The following ECHDC1 variants were observed in gnomAD, a reference collection of about 807,000 sequenced individuals.
ECHDC1 encodes ethylmalonyl-CoA decarboxylase 1.
In ECHDC1, 29 loss-of-function variants were observed where a neutral mutation model predicts 29.7. The ratio of observed to expected loss-of-function variants is 0.98; its 90% confidence interval spans 0.73 to 1.33. The LOEUF is 1.33. Among genes scored for constraint, ECHDC1 ranks in the 40% most tolerant of loss-of-function variants. The pLI, the probability that ECHDC1 is intolerant of heterozygous loss-of-function variation, is 0.00. For synonymous variants in ECHDC1, 126 were observed against 123.1 expected (o/e 1.02, Z -0.15); for missense variants, 328 against 350.0 (o/e 0.94, Z 0.50).
intron 3 of ECHDC1, among the ~76,000 whole-genome samples, chr6:127,320,428 C>G (rs1782743832): frequency 6.6e-6 from 1 of 152,070 alleles, no homozygotes; most frequent in Non-Finnish European, 1.5e-5. Context: ...ATCGAAGGAA[C>G]AATAGATTGG....
At chr6:127,332,060 T>C (rs1184422226) in intron 1 of ECHDC1, among the ~76,000 whole-genome samples, 1 of 152,184 alleles carries the variant, frequency 6.6e-6, no homozygotes, top group African/African-American at 2.4e-5. Flanking sequence ...TAAGTTACAG[T>C]TCAATGAATT....
intron 1 of ECHDC1, among the ~76,000 whole-genome samples, chr6:127,336,684 T>G (rs1322013645): frequency 6.6e-6 from 1 of 152,130 alleles, no homozygotes; most frequent in East Asian, 1.9e-4. Flanking sequence ...TTTTTAAATA[T>G]TTTACCCTGA....
At position 127,289,358 on chromosome 6, in the gene ECHDC1, A is replaced by G. The variant is rs1245983100; in HGVS notation, c.*511T>C. The G allele has an allele frequency of 6.6e-6, 1 of 152,346 alleles. No homozygotes were observed. The highest frequency in any genetic ancestry group is 1.5e-5 in the Non-Finnish European group (1 of 68,260). The allele number at this position is 152,346 out of a possible 1,614,324, so 9.4% of individuals were successfully genotyped here. Reference sequence around the variant, plus strand: ...GGTAGTGAGGTACATCTTTTTTTAAATGAAGGGCCATTTCCCATGAATTTT... The same window carrying G: ...GGTAGTGAGGTACATCTTTTTTTAAGTGAAGGGCCATTTCCCATGAATTTT... On this transcript the variant is annotated 3_prime_UTR_variant, in exon 6 of 6. Transcript: ENST00000454859.
intron 1 of ECHDC1, among the ~76,000 whole-genome samples, chr6:127,331,633 G>T (rs1268360434): frequency 4.6e-5 from 7 of 152,122 alleles, no homozygotes; most frequent in African/African-American, 1.4e-4. Flanking sequence ...AAAAAATGCT[G>T]CTCTGTATTT....
At chr6:127,293,121 A>C (rs1780329308) in intron 5 of ECHDC1, among the ~76,000 whole-genome samples, 1 of 152,128 alleles carries the variant, frequency 6.6e-6, no homozygotes, top group Non-Finnish European at 1.5e-5. Context: ...ATACAAAGTC[A>C]AGTGTTGATG....
At chr6:127,338,860 T>C (rs1379307491) in intron 1 of ECHDC1, among the ~76,000 whole-genome samples, 1 of 152,186 alleles carries the variant, frequency 6.6e-6, no homozygotes, top group Non-Finnish European at 1.5e-5. Context: ...ACCTAACCAG[T>C]ACTGAAAAAG....
intron 5 of ECHDC1, among the ~76,000 whole-genome samples, chr6:127,311,146 C>T (rs1389528866): frequency 6.6e-6 from 1 of 152,084 alleles, no homozygotes; most frequent in African/African-American, 2.4e-5. Context: ...GAAACCAAAC[C>T]TGTGATATCT....
intron 5 of ECHDC1, among the ~76,000 whole-genome samples, chr6:127,293,380 A>G (rs889721058): frequency 6.6e-6 from 1 of 152,172 alleles, no homozygotes; most frequent in Non-Finnish European, 1.5e-5. Context: ...AAGAGTGTAC[A>G]GCTTTGATGT....
At chr6:127,304,073 T>TGGAA (rs1781263266) in intron 5 of ECHDC1, among the ~76,000 whole-genome samples, 1 of 152,162 alleles carries the variant, frequency 6.6e-6, no homozygotes, top group African/African-American at 2.4e-5. Flanking sequence ...GGGGTGGTTA[T>TGGAA]GGAAGGCCTT....
At chr6:127,330,068 T>C (rs7761452) in intron 2 of ECHDC1, among the ~76,000 whole-genome samples, 45,529 of 152,152 alleles carry the variant, frequency 0.3, 8,589 homozygotes, top group Non-Finnish European at 0.43. Flanking sequence ...ATGAAGTGCA[T>C]AACTGAAAAG....
At chr6:127,328,483 C>T (rs1371551329) in intron 2 of ECHDC1, among the ~76,000 whole-genome samples, 2 of 152,142 alleles carry the variant, frequency 1.3e-5, no homozygotes, top group South Asian at 2.1e-4. Flanking sequence ...GTAAGTACAC[C>T]CTACAATGTT....
At chr6:127,327,213 A>G (rs1783433592) in intron 2 of ECHDC1, 69 bp from the exon 3 acceptor site, 3 of 1,540,234 alleles carry the variant, frequency 1.9e-6, no homozygotes, top group African/African-American at 2.7e-5. Context: ...TAATTTATAA[A>G]TCACAAGTGT....
intron 5 of ECHDC1, among the ~76,000 whole-genome samples, chr6:127,302,560 C>T (rs912149365): frequency 3.3e-5 from 5 of 151,808 alleles, no homozygotes; most frequent in Admixed American, 2.0e-4. Flanking sequence ...CCACCATGCC[C>T]GGCTAATTTT....
chr6:127,296,279 C>G (rs993367338), intron 5 of ECHDC1, among the ~76,000 whole-genome samples: 18 of 152,028 alleles, frequency 1.2e-4, no homozygotes, highest in African/African-American at 4.3e-4. Context: ...TTGCAACCTC[C>G]GCCTCCCAGG....
intron 5 of ECHDC1, among the ~76,000 whole-genome samples, chr6:127,298,488 A>G (rs1333479664): frequency 6.6e-6 from 1 of 152,212 alleles, no homozygotes; most frequent in African/African-American, 2.4e-5. Flanking sequence ...TACTTCCTGA[A>G]GCACATTCTG....
At chr6:127,305,546 T>G (rs1781375755) in intron 5 of ECHDC1, among the ~76,000 whole-genome samples, 1 of 151,904 alleles carries the variant, frequency 6.6e-6, no homozygotes, top group African/African-American at 2.4e-5. Context: ...ACTGTAACTG[T>G]GTCTTATCTT....
At position 127,290,282 on chromosome 6, in the gene ECHDC1, A is replaced by G; in HGVS notation, c.498-5T>C. 6.2e-7 allele frequency: 1 copy of G among 1,603,242 alleles called. No individual in the cohort carries two copies. Among genetic ancestry groups the G allele is most frequent in the Non-Finnish European group, 8.5e-7 (1 of 1,175,522 alleles). ...TTACTCTCTGGAGTCATTAACCTGTAAAAGAAAAAAGAAAAGCTTAATTGT... is the reference window on the plus strand; with the variant it reads ...TTACTCTCTGGAGTCATTAACCTGTGAAAGAAAAAAGAAAAGCTTAATTGT... On this transcript the variant is annotated splice_region_variant and splice_polypyrimidine_tract_variant and intron_variant, in intron 5 of 5. Coordinates refer to ENST00000454859, the MANE Select transcript of ECHDC1 (RefSeq NM_001002030.2).
chr6:127,289,978 T>G lies in ECHDC1; in HGVS notation c.797A>C (p.Glu266Ala), dbSNP rs754205091. Residue 266 changes from glutamate (E) to alanine (A), a missense_variant, in exon 6 of 6, where the codon GAG (glutamate) becomes GCG (alanine). Coordinates refer to ENST00000454859, the MANE Select transcript of ECHDC1 (RefSeq NM_001002030.2). ...ALKKSVCSGR[E>A]LYLEEALQNE... ...CTGTAATGCTTCCTCCAAATATAGC[T>G]CTCTGCCTGAACAAACAGATTTTTT... The G allele has an allele frequency of 6.2e-7, 1 of 1,613,718 alleles. No homozygotes were observed. Among genetic ancestry groups the G allele is most frequent in the Non-Finnish European group, 8.5e-7 (1 of 1,179,744 alleles).
At chr6:127,336,676 T>C (rs887632409) in intron 1 of ECHDC1, among the ~76,000 whole-genome samples, 6 of 152,186 alleles carry the variant, frequency 3.9e-5, no homozygotes, top group Admixed American at 1.3e-4. Context: ...GAACTGTATT[T>C]TTAAATATTT....
Sources: allele counts gnomAD v4.1 joint callset (sites outside exome capture counted in the v4.1 genomes callset), GRCh38; gene constraint gnomAD v4.1.1; transcripts MANE v1.5; gene names NCBI Gene and HGNC (gene_info 2026-07-23, HGNC 2026-07-21).